RNF144A: variants seen among roughly 807,000 people sequenced by gnomAD.
RNF144A encodes E3 ubiquitin-protein ligase RNF144A.
In RNF144A, 11 loss-of-function variants were observed where a neutral mutation model predicts 38.7. The observed-to-expected ratio is 0.28, with a 90% CI of 0.18 to 0.47. RNF144A has a LOEUF of 0.47. Among genes scored for constraint, RNF144A ranks in the 20% least tolerant of loss-of-function variants. The pLI is 0.99. For missense variants in RNF144A, 316 were observed against 377.2 expected, an observed-to-expected ratio of 0.84 and a Z score of 1.34; for synonymous variants, 149 against 143.9, an observed-to-expected ratio of 1.04 and a Z score of -0.25.
At chr2:6,997,083 A>G (rs781461651) in intron 3 of RNF144A, 22 bp downstream of exon 3, 4 of 1,611,936 alleles carry the variant, frequency 2.5e-6, no homozygotes, top group Admixed American at 3.3e-5. Flanking sequence ...TGGATAAAAT[A>G]TATGTTACAG....
At chr2:6,934,548 C>T (rs1410346407) in intron 1 of RNF144A, among the ~76,000 whole-genome samples, 1 of 152,208 alleles carries the variant, frequency 6.6e-6, no homozygotes, top group African/African-American at 2.4e-5. Flanking sequence ...GCCTTTCTCC[C>T]TGCTGGGTTA....
At chr2:7,016,092 A>G (rs2103421719) in intron 5 of RNF144A, among the ~76,000 whole-genome samples, 1 of 144,354 alleles carries the variant, frequency 6.9e-6, no homozygotes, top group African/African-American at 2.6e-5. Flanking sequence ...CAACATATTG[A>G]GACCCCGTCT....
chr2:7,075,111 G>T, the RNF144A span, among the ~76,000 whole-genome samples: 9,867 of 152,184 alleles, frequency 0.065, 361 homozygotes, highest in Middle Eastern at 0.16. Flanking sequence ...ATGGTGGATG[G>T]CTCACCTCTG....
intron 2 of RNF144A, among the ~76,000 whole-genome samples, chr2:6,968,518 G>A (rs1247496339): frequency 2.6e-5 from 4 of 152,302 alleles, no homozygotes; most frequent in East Asian, 1.9e-4. Flanking sequence ...ATGTGTTCTT[G>A]TGGCTGCAGC....
chr2:6,938,920 C>T (rs1665780865), intron 1 of RNF144A, among the ~76,000 whole-genome samples: 2 of 152,122 alleles, frequency 1.3e-5, no homozygotes, highest in Non-Finnish European at 2.9e-5. Flanking sequence ...GTACTGCATT[C>T]CTTTATGTGG....
intron 1 of RNF144A, among the ~76,000 whole-genome samples, chr2:6,933,628 A>G (rs144079914): frequency 6.6e-6 from 1 of 152,246 alleles, no homozygotes; most frequent in East Asian, 1.9e-4. Flanking sequence ...AAAGGAAAAA[A>G]AATGGAGAAT....
chr2:7,063,344 G>A (rs888716732), intron 6 of RNF144A, among the ~76,000 whole-genome samples: 1 of 152,178 alleles, frequency 6.6e-6, no homozygotes, highest in Non-Finnish European at 1.5e-5. Flanking sequence ...CTGGATGAAT[G>A]TTCACAGCTT....
downstream of RNF144A, among the ~76,000 whole-genome samples, chr2:7,046,710 C>T (rs960441106): frequency 6.6e-6 from 1 of 152,130 alleles, no homozygotes; most frequent in Non-Finnish European, 1.5e-5. Flanking sequence ...CATCATGGCT[C>T]ATGCTACCCA....
chr2:6,955,667 C>A (rs901739953), intron 2 of RNF144A, among the ~76,000 whole-genome samples: 2 of 152,182 alleles, frequency 1.3e-5, no homozygotes, highest in Non-Finnish European at 1.5e-5. Context: ...TCCAGCCAGA[C>A]TTGCCCTGTC....
At chr2:6,957,134 C>G (rs1667056107) in intron 2 of RNF144A, among the ~76,000 whole-genome samples, 1 of 152,182 alleles carries the variant, frequency 6.6e-6, no homozygotes, top group South Asian at 2.1e-4. Flanking sequence ...GTTCCCTCCC[C>G]TTGGCCCAGT....
At chr2:7,022,348 G>A in intron 6 of RNF144A, among the ~76,000 whole-genome samples, 1 of 152,192 alleles carries the variant, frequency 6.6e-6, no homozygotes, top group Admixed American at 6.5e-5. Flanking sequence ...TGGGCCACGT[G>A]TAGATTGTGA....
chr2:7,039,720 G>A lies in RNF144A; in HGVS notation c.839G>A (p.Cys280Tyr). The change falls in exon 9 of 9, where the codon TGC becomes TAC. Residue 280 changes from cysteine to tyrosine, a missense_variant. Coordinates refer to ENST00000320892, the MANE Select transcript of RNF144A (RefSeq NM_014746.6). ...ACTCCCTTTGTACTTTGCTGCAAGTGCAAGTGCAGTAAAGGTGACGACGAC... is the reference window on the plus strand; with the variant it reads ...ACTCCCTTTGTACTTTGCTGCAAGTACAAGTGCAGTAAAGGTGACGACGAC... ...LATPFVLCCKCKCSKGDDDPL... is the reference protein window; with the variant it reads ...LATPFVLCCKYKCSKGDDDPL... The A allele has an allele frequency of 6.2e-7, 1 of 1,614,046 alleles. No individual in the cohort carries two copies. The highest frequency in any genetic ancestry group is 2.2e-5 in the East Asian group (1 of 44,870).
intron 1 of RNF144A, among the ~76,000 whole-genome samples, chr2:6,918,051 C>T (rs1664249313): frequency 6.6e-6 from 1 of 152,030 alleles, no homozygotes; most frequent in African/African-American, 2.4e-5. Context: ...GGTTCGCGGC[C>T]CCGCCCGCAG....
chr2:6,977,504 T>C (rs1668386960), intron 2 of RNF144A, among the ~76,000 whole-genome samples: 1 of 152,272 alleles, frequency 6.6e-6, no homozygotes, highest in African/African-American at 2.4e-5. Flanking sequence ...TACTAGCGGT[T>C]ATTGAGTCAC....
At chr2:6,919,244 A>G (rs879592900) in intron 1 of RNF144A, among the ~76,000 whole-genome samples, 1 of 152,172 alleles carries the variant, frequency 6.6e-6, no homozygotes, top group African/African-American at 2.4e-5. Context: ...GCTCCAGCGC[A>G]GGAAGGGGGA....
intron 2 of RNF144A, among the ~76,000 whole-genome samples, chr2:6,979,280 A>G (rs1308694350): frequency 2.0e-5 from 3 of 152,158 alleles, no homozygotes; most frequent in African/African-American, 7.2e-5. Context: ...AGGGTGGGAG[A>G]TGCAGATGAG....
At position 6,996,956 on chromosome 2, in the gene RNF144A, G is replaced by T. The variant is rs767389206; in HGVS notation, c.30G>T (p.Trp10Cys). ...CCACAACAAGGTACCGGCCCACCTG[G>T]GACCTGGCCCTCGACCCGCTGGTGT... MTTTRYRPT[W>C]DLALDPLVSC... Residue 10 changes from tryptophan to cysteine, a missense_variant, in exon 3 of 9, where the codon TGG (tryptophan) becomes TGT (cysteine). By Grantham distance (215) the Trp-to-Cys change is radical (BLOSUM62 -2). Coordinates refer to ENST00000320892, the MANE Select transcript of RNF144A (RefSeq NM_014746.6). 6.2e-7 allele frequency: 1 copy of T among 1,613,978 alleles called. No individual in the cohort carries two copies. The highest frequency in any genetic ancestry group is 8.5e-7 in the Non-Finnish European group (1 of 1,179,910).
chr2:7,054,670 C>T (rs1475074408), intron 6 of RNF144A, among the ~76,000 whole-genome samples: 4 of 152,058 alleles, frequency 2.6e-5, no homozygotes, highest in Admixed American at 6.5e-5. Context: ...CCCTTTTTGC[C>T]TTCCGTCTTT....
chr2:6,966,283 A>G (rs1347657796), intron 2 of RNF144A, among the ~76,000 whole-genome samples: 1 of 152,260 alleles, frequency 6.6e-6, no homozygotes, highest in Non-Finnish European at 1.5e-5. Context: ...TATTCTCCAA[A>G]TATTGGATGT....
Sources: gnomAD v4.1 joint callset for allele counts (sites outside exome capture counted in the v4.1 genomes callset) on GRCh38, gnomAD v4.1.1 for gene constraint, MANE v1.5 for transcripts, NCBI Gene and HGNC (gene_info 2026-07-23, HGNC 2026-07-21) for gene names.